SIDT1: variants seen among roughly 807,000 people sequenced by gnomAD.
SIDT1 encodes the protein SID1 transmembrane family member 1.
Under a neutral mutation model 107.5 loss-of-function variants are expected in SIDT1, and 101 were observed. The ratio of observed to expected loss-of-function variants is 0.94; its 90% CI spans 0.80 to 1.11. The LOEUF (loss-of-function observed/expected upper bound fraction) is 1.11, where lower values mean the gene tolerates loss of function less well. Ranked by LOEUF, SIDT1 falls within the 50% of genes least tolerant of loss-of-function variation. The probability of loss-of-function intolerance (pLI) is 0.00; values close to 1 mark genes in which losing one functional copy is unlikely to be tolerated. For synonymous variants in SIDT1, 395 were observed against 398.2 expected, an observed-to-expected ratio of 0.99 and a Z score of 0.10; for missense variants, 1,076 against 1,058.2, an observed-to-expected ratio of 1.02 and a Z score of -0.23.
chr3:113,559,209 T>A (rs776879047), intron 1 of SIDT1, among the ~76,000 whole-genome samples: 39 of 152,238 alleles, frequency 2.6e-4, no homozygotes, highest in Admixed American at 7.2e-4. Flanking sequence ...AACTTAGTCA[T>A]GGAAATGCTT....
intron 1 of SIDT1, among the ~76,000 whole-genome samples, chr3:113,547,998 G>T (rs1939787799): frequency 6.6e-6 from 1 of 152,052 alleles, no homozygotes; most frequent in Non-Finnish European, 1.5e-5. Context: ...GTAATATGTT[G>T]TCCTGAGTAA....
At chr3:113,587,858 T>C (rs995624803) in intron 9 of SIDT1, among the ~76,000 whole-genome samples, 2 of 152,126 alleles carry the variant, frequency 1.3e-5, no homozygotes, top group Non-Finnish European at 2.9e-5. Context: ...GGTCAGGCCC[T>C]ATGAGAGATG....
intron 3 of SIDT1, among the ~76,000 whole-genome samples, chr3:113,575,925 G>A (rs867956899): frequency 9.2e-5 from 14 of 152,322 alleles, no homozygotes; most frequent in Middle Eastern, 3.4e-3. Context: ...GGAGGGGCAG[G>A]GGCACGCACT....
At chr3:113,608,353 C>A (rs1945490711) in intron 16 of SIDT1, 66 bp from the exon 17 acceptor site, 14 of 1,530,096 alleles carry the variant, frequency 9.1e-6, no homozygotes, top group Non-Finnish European at 1.3e-5. Context: ...CATGTGCTTC[C>A]AGATTAGTGA....
intron 10 of SIDT1, among the ~76,000 whole-genome samples, chr3:113,599,221 A>G (rs1235637995): frequency 1.3e-5 from 2 of 152,252 alleles, no homozygotes; most frequent in Non-Finnish European, 2.9e-5. Context: ...AACATCATCT[A>G]GGAATAAGAG....
At chr3:113,609,382 G>T (rs1011867545) in intron 17 of SIDT1, among the ~76,000 whole-genome samples, 8 of 151,944 alleles carry the variant, frequency 5.3e-5, no homozygotes, top group African/African-American at 1.7e-4. Context: ...GCCCATTTTT[G>T]AATCATTCTC....
At chr3:113,586,589 G>A (rs1943761257) in intron 9 of SIDT1, among the ~76,000 whole-genome samples, 1 of 152,204 alleles carries the variant, frequency 6.6e-6, no homozygotes, top group African/African-American at 2.4e-5. Flanking sequence ...GGATGAAGAT[G>A]TGTGCATGGC....
At chr3:113,553,303 C>T (rs1940478234) in intron 1 of SIDT1, among the ~76,000 whole-genome samples, 1 of 152,140 alleles carries the variant, frequency 6.6e-6, no homozygotes, top group Admixed American at 6.5e-5. Flanking sequence ...CTGACAAACA[C>T]GTATTTAAAG....
intron 3 of SIDT1, among the ~76,000 whole-genome samples, chr3:113,568,465 G>A (rs1318135103): frequency 1.3e-5 from 2 of 151,732 alleles, no homozygotes; most frequent in Non-Finnish European, 2.9e-5. Context: ...ACGGTGGCGG[G>A]CACCTGTAAT....
At chr3:113,614,621 G>C (rs957812080) in intron 19 of SIDT1, among the ~76,000 whole-genome samples, 1 of 152,090 alleles carries the variant, frequency 6.6e-6, no homozygotes, top group Non-Finnish European at 1.5e-5. Context: ...GTGGCCCCTC[G>C]GGCTACACAA....
intron 12 of SIDT1, among the ~76,000 whole-genome samples, 192 bp from the exon 13 acceptor site, chr3:113,603,763 TAAAAG>T (rs1205408136): frequency 6.6e-6 from 1 of 152,164 alleles, no homozygotes; most frequent in African/African-American, 2.4e-5. Context: ...AAAACAACAT[TAAAAG>T]AAAAGTCTTA....
At chr3:113,542,850 T>A (rs1480770713) in intron 1 of SIDT1, among the ~76,000 whole-genome samples, 2 of 152,084 alleles carry the variant, frequency 1.3e-5, no homozygotes, top group African/African-American at 4.8e-5. Context: ...CCATAGTTTT[T>A]CCTCAGGCAG....
chr3:113,557,912 T>C (rs1007816691), intron 1 of SIDT1, among the ~76,000 whole-genome samples: 1 of 152,286 alleles, frequency 6.6e-6, no homozygotes, highest in African/African-American at 2.4e-5. Context: ...ATGAGCTATG[T>C]GAATGAGGTC....
intron 10 of SIDT1, among the ~76,000 whole-genome samples, chr3:113,594,035 T>C (rs1462765527): frequency 1.3e-5 from 2 of 152,236 alleles, no homozygotes; most frequent in Non-Finnish European, 2.9e-5. Flanking sequence ...AAGAGGAATA[T>C]GAAGTGGAAC....
intron 10 of SIDT1, among the ~76,000 whole-genome samples, chr3:113,596,373 G>C (rs1479782560): frequency 6.6e-6 from 1 of 152,232 alleles, no homozygotes; most frequent in Non-Finnish European, 1.5e-5. Flanking sequence ...TGATATGCCT[G>C]AAGTGATTTA....
chr3:113,543,623 G>A (rs1939208551), intron 1 of SIDT1, among the ~76,000 whole-genome samples: 1 of 151,840 alleles, frequency 6.6e-6, no homozygotes, highest in Admixed American at 6.6e-5. Flanking sequence ...CAGTTGCTCT[G>A]TTTTCACAGG....
intron 19 of SIDT1, among the ~76,000 whole-genome samples, chr3:113,615,821 A>G (rs2107760173): frequency 6.6e-6 from 1 of 152,380 alleles, no homozygotes; most frequent in African/African-American, 2.4e-5. Flanking sequence ...AGGAGACAGA[A>G]TAAGGGTCCA....
At chr3:113,548,383 C>A (rs1351469313) in intron 1 of SIDT1, among the ~76,000 whole-genome samples, 2 of 152,024 alleles carry the variant, frequency 1.3e-5, no homozygotes, top group Non-Finnish European at 2.9e-5. Context: ...TCCATTAATT[C>A]ATCCTTTATT....
intron 2 of SIDT1, 41 bp downstream of exon 2, chr3:113,566,582 T>C: frequency 6.3e-7 from 1 of 1,598,598 alleles, no homozygotes; most frequent in Non-Finnish European, 8.5e-7. Context: ...TATGTTTAGT[T>C]TTCTTCAATG....
Sources: gnomAD v4.1 joint callset for allele counts (sites outside exome capture counted in the v4.1 genomes callset) on GRCh38, gnomAD v4.1.1 for gene constraint, MANE v1.5 for transcripts, NCBI Gene and HGNC (gene_info 2026-07-23, HGNC 2026-07-21) for gene names.